Variants in CTNND2 observed in about 807,000 individuals in gnomAD.
CTNND2 encodes the protein catenin delta-2.
A neutral mutation model predicts 144.4 loss-of-function variants in CTNND2; 22 were observed. That is an observed-to-expected ratio of 0.15 (90% CI 0.11 to 0.22). CTNND2 has a LOEUF of 0.22. Among genes scored for constraint, CTNND2 ranks in the 10% least tolerant of loss-of-function variants. The probability of loss-of-function intolerance (pLI) is 1.00; values close to 1 mark genes in which losing one functional copy is unlikely to be tolerated. For synonymous variants in CTNND2, 751 were observed against 695.6 expected, an observed-to-expected ratio of 1.08 and a Z score of -1.25; for missense variants, 1,353 against 1,618.8, an observed-to-expected ratio of 0.84 and a Z score of 2.82.
intron 5 of CTNND2, among the ~76,000 whole-genome samples, chr5:11,403,786 GA>G (rs1263254015): frequency 6.6e-6 from 1 of 152,166 alleles, no homozygotes; most frequent in Non-Finnish European, 1.5e-5. Flanking sequence ...ATTTAAAAGT[GA>G]AACTCAGAAA....
At chr5:11,189,165 T>C (rs1436927682) in intron 11 of CTNND2, among the ~76,000 whole-genome samples, 1 of 152,192 alleles carries the variant, frequency 6.6e-6, no homozygotes, top group Non-Finnish European at 1.5e-5. Context: ...CCAAGACTCC[T>C]CTCAATGCTG....
chr5:11,208,377 T>C (rs577520376), intron 10 of CTNND2, among the ~76,000 whole-genome samples: 4 of 151,976 alleles, frequency 2.6e-5, no homozygotes, highest in East Asian at 3.9e-4. Context: ...AGAATGAACA[T>C]AGGAAAAAAA....
At chr5:11,198,449 G>C (rs368095652) in intron 11 of CTNND2, among the ~76,000 whole-genome samples, 1 of 152,110 alleles carries the variant, frequency 6.6e-6, no homozygotes, top group African/African-American at 2.4e-5. Context: ...GTCTTGACCC[G>C]GGACTGGACA....
At chr5:11,267,017 T>C (rs1359005248) in intron 9 of CTNND2, among the ~76,000 whole-genome samples, 1 of 152,226 alleles carries the variant, frequency 6.6e-6, no homozygotes, top group Non-Finnish European at 1.5e-5. Flanking sequence ...TAGCTGGGAC[T>C]ACAGGCGCCC....
At chr5:11,786,075 C>A (rs980861398) in intron 1 of CTNND2, among the ~76,000 whole-genome samples, 24 of 152,136 alleles carry the variant, frequency 1.6e-4, no homozygotes, top group Non-Finnish European at 8.8e-5. Context: ...TTCGACCAGA[C>A]CCCCATTCTG....
At chr5:11,486,872 C>T (rs1338134001) in intron 3 of CTNND2, among the ~76,000 whole-genome samples, 1 of 151,982 alleles carries the variant, frequency 6.6e-6, no homozygotes, top group Non-Finnish European at 1.5e-5. Context: ...TATGTTTTAT[C>T]CTACTTGTTG....
intron 2 of CTNND2, among the ~76,000 whole-genome samples, chr5:11,613,303 T>C (rs1780423285): frequency 1.3e-5 from 2 of 152,166 alleles, no homozygotes; most frequent in Non-Finnish European, 2.9e-5. Flanking sequence ...AACGTGTGTG[T>C]ATATGTGTAT....
At chr5:11,475,176 C>G (rs25948) in intron 3 of CTNND2, among the ~76,000 whole-genome samples, 4 of 152,184 alleles carry the variant, frequency 2.6e-5, no homozygotes, top group African/African-American at 7.2e-5. Flanking sequence ...GTGAGCTACA[C>G]TGAATATTGG....
At chr5:11,296,548 G>T (rs1215466424) in intron 9 of CTNND2, among the ~76,000 whole-genome samples, 2 of 152,108 alleles carry the variant, frequency 1.3e-5, no homozygotes, top group African/African-American at 4.8e-5. Flanking sequence ...GTTTACTGCG[G>T]CACTATTCAC....
intron 2 of CTNND2, among the ~76,000 whole-genome samples, chr5:11,635,088 G>T (rs1781611087): frequency 1.3e-5 from 2 of 151,922 alleles, no homozygotes; most frequent in African/African-American, 4.8e-5. Flanking sequence ...TATAAGCAAA[G>T]ATTTTTTTTT....
chr5:11,641,175 A>G (rs1266707225), intron 2 of CTNND2, among the ~76,000 whole-genome samples: 4 of 152,140 alleles, frequency 2.6e-5, no homozygotes, highest in Non-Finnish European at 5.9e-5. Context: ...ATTGTTAAAT[A>G]ACTTTGTTCA....
chr5:11,119,543 G>T (rs772296686), intron 12 of CTNND2, among the ~76,000 whole-genome samples: 14 of 152,186 alleles, frequency 9.2e-5, no homozygotes, highest in Admixed American at 2.6e-4. Flanking sequence ...CTAGGGAAAA[G>T]GTGGTGACAG....
chr5:11,705,051 C>T (rs1012155116), intron 2 of CTNND2, among the ~76,000 whole-genome samples: 2 of 151,900 alleles, frequency 1.3e-5, no homozygotes, highest in African/African-American at 4.8e-5. Flanking sequence ...ATTAGGGAAA[C>T]TGTCTGAAGA....
At chr5:11,800,576 T>C (rs539351692) in intron 1 of CTNND2, among the ~76,000 whole-genome samples, 1 of 152,274 alleles carries the variant, frequency 6.6e-6, no homozygotes, top group Non-Finnish European at 1.5e-5. Context: ...GACACTCTAC[T>C]GAGCACCAAG....
At position 11,346,602 on chromosome 5, in the gene CTNND2, G is replaced by A. The variant is rs1316786685; in HGVS notation, c.1398C>T (p.Ser466=). The change falls in exon 9 of 22, where the codon TCC becomes TCT. Residue 466 remains serine (S), a synonymous_variant. Coordinates refer to ENST00000304623, the MANE Select transcript of CTNND2 (RefSeq NM_001332.4). ...STAPSSPGVD[S]VPLQRTGSQH... ...GGCTGCCTGTGCGCTGCAAGGGGAC[G>A]GAGTCGACACCAGGGGAAGATGGGG... 2 of 1,549,716 alleles carry A rather than the reference G, an allele frequency of 1.3e-6. No homozygotes were observed. Among genetic ancestry groups the A allele is most frequent in the Non-Finnish European group, 1.7e-6 (2 of 1,146,786 alleles).
intron 1 of CTNND2, among the ~76,000 whole-genome samples, chr5:11,897,450 C>A (rs868723952): frequency 8.5e-5 from 13 of 152,118 alleles, no homozygotes; most frequent in African/African-American, 3.1e-4. Context: ...CAAACAGCCA[C>A]CAAAATCTAA....
At chr5:11,103,772 G>A (rs188880927) in intron 14 of CTNND2, among the ~76,000 whole-genome samples, 56 of 151,302 alleles carry the variant, frequency 3.7e-4, no homozygotes, top group African/African-American at 1.3e-3. Flanking sequence ...AAGTTATAGA[G>A]AGTCACAGGA....
At chr5:11,063,573 G>A (rs573572115) in intron 16 of CTNND2, among the ~76,000 whole-genome samples, 1 of 151,884 alleles carries the variant, frequency 6.6e-6, no homozygotes, top group African/African-American at 2.4e-5. Flanking sequence ...TTCGGGGGAG[G>A]TAGAAAGCTT....
At chr5:11,811,057 T>C (rs1359882118) in intron 1 of CTNND2, among the ~76,000 whole-genome samples, 1 of 152,208 alleles carries the variant, frequency 6.6e-6, no homozygotes, top group Non-Finnish European at 1.5e-5. Flanking sequence ...AAACCACTAC[T>C]CTACCTATAT....
Sources: gnomAD v4.1 joint callset for allele counts (sites outside exome capture counted in the v4.1 genomes callset) on GRCh38, gnomAD v4.1.1 for gene constraint, MANE v1.5 for transcripts, NCBI Gene and HGNC (gene_info 2026-07-23, HGNC 2026-07-21) for gene names.